Variants in CPSF3 observed in about 807,000 individuals in gnomAD.
The protein encoded by CPSF3 is cleavage and polyadenylation specific factor 3.
CPSF3 carries 57 observed loss-of-function variants against 84.1 expected under a neutral mutation model. The ratio of observed to expected loss-of-function variants is 0.68; its 90% confidence interval spans 0.55 to 0.85. The LOEUF (loss-of-function observed/expected upper bound fraction) is 0.85. Among genes scored for constraint, CPSF3 ranks in the 40% least tolerant of loss-of-function variants. The pLI is 0.00. For synonymous variants in CPSF3, 275 were observed against 278.1 expected, an observed-to-expected ratio of 0.99 and a Z score of 0.11; for missense variants, 522 against 838.8, an observed-to-expected ratio of 0.62 and a Z score of 4.66.
intron 9 of CPSF3, among the ~76,000 whole-genome samples, chr2:9,442,498 A>G (rs1470811970): frequency 1.3e-5 from 2 of 152,262 alleles, no homozygotes; most frequent in East Asian, 3.9e-4. Context: ...TGATTCTTTG[A>G]TAATCTTTAT....
At chr2:9,427,888 A>G (rs1333647607) in intron 1 of CPSF3, among the ~76,000 whole-genome samples, 1 of 152,240 alleles carries the variant, frequency 6.6e-6, no homozygotes, top group African/African-American at 2.4e-5. Context: ...ATTATTAAGA[A>G]GAAACAAAAA....
In CPSF3 at chr2:9,455,724, A is replaced by C; in HGVS notation, c.1570A>C (p.Asn524His). 6.2e-7 allele frequency: 1 copy of C among 1,613,882 alleles called. No individual in the cohort carries two copies. The highest frequency in any genetic ancestry group is 8.5e-7 in the Non-Finnish European group (1 of 1,179,886). ...AGCCATTCCATATACTGGTCCCTTT[A>C]ATTTGCTCTGTTACCAGCTGCAGAA... ...TQAIPYTGPF[N>H]LLCYQLQKLT... is the part of the protein sequence containing the mutation. Residue 524 changes from asparagine (N) to histidine (H), a missense_variant, in exon 13 of 18, where the codon AAT (asparagine) becomes CAT (histidine). Coordinates refer to ENST00000238112, the MANE Select transcript of CPSF3 (RefSeq NM_016207.4).
rs546919273 is a variant in CPSF3 at position 9,442,034 on chromosome 2, G to A, written c.1095+58G>A. ...CTATTCAGAATCACGGAGGTGGCAC[G>A]GTCCTCACAGGTTTTTGCACTGAAG... On this transcript the variant is annotated intron_variant, in intron 9 of 17. Coordinates refer to ENST00000238112, the MANE Select transcript of CPSF3 (RefSeq NM_016207.4). 31 of 1,553,406 alleles carry A rather than the reference G, an allele frequency of 2.0e-5. No homozygotes were observed. The African/African-American group carries it at 3.0e-4, about 15-fold the overall frequency.
chr2:9,440,783 A>G, intron 8 of CPSF3, 117 bp downstream of exon 8: 1 of 961,878 alleles, frequency 1.0e-6, no homozygotes, highest in Non-Finnish European at 1.6e-6. Flanking sequence ...TGGGAGTCTA[A>G]GGCAGGAGGA....
Position 9,470,643 on chromosome 2 carries a change from C to T in CPSF3, c.1857-700C>T, listed in dbSNP as rs1327407348. On this transcript the variant is annotated intron_variant, in intron 16 of 17. Coordinates refer to ENST00000238112, the MANE Select transcript of CPSF3 (RefSeq NM_016207.4). ...GTTTAATTAAAGTAGGAGTGCACAG[C>T]TAGTGGGCTTGGGAGCCATTTAAAC... 3.3e-5 allele frequency among the ~76,000 whole-genome samples: 5 copies of T among 152,224 alleles called. No individual in the cohort carries two copies. In the East Asian group the frequency reaches 7.7e-4, roughly 23 times the overall value.
At chr2:9,432,189 G>C (rs1300566578) in intron 4 of CPSF3, among the ~76,000 whole-genome samples, 2 of 152,134 alleles carry the variant, frequency 1.3e-5, no homozygotes, top group East Asian at 3.9e-4. Context: ...GGAGTGTTGG[G>C]GTGGGAAAAA....
At chr2:9,440,968 A>G (rs911747365) in intron 8 of CPSF3, among the ~76,000 whole-genome samples, 1 of 152,248 alleles carries the variant, frequency 6.6e-6, no homozygotes, top group Non-Finnish European at 1.5e-5. Flanking sequence ...TCAAAACTTC[A>G]GCAGCTGACA....
At chr2:9,448,445 G>T in intron 11 of CPSF3, 95 bp downstream of exon 11, 1 of 1,043,540 alleles carries the variant, frequency 9.6e-7, no homozygotes, top group Non-Finnish European at 1.4e-6. Context: ...AAAAGAATAT[G>T]CTTATTTCTG....
At chr2:9,451,947 A>G (rs1248978049) in intron 11 of CPSF3, among the ~76,000 whole-genome samples, 1 of 151,976 alleles carries the variant, frequency 6.6e-6, no homozygotes, top group African/African-American at 2.4e-5. Context: ...CAATCTCGTG[A>G]CCTCATGATC....
intron 10 of CPSF3, among the ~76,000 whole-genome samples, chr2:9,444,155 TA>T (rs1360148362): frequency 0.017 from 2,399 of 140,562 alleles, 82 homozygotes; most frequent in African/African-American, 0.061. Context: ...TATATATATA[TA>T]TATTTTTTTT....
intron 2 of CPSF3, among the ~76,000 whole-genome samples, chr2:9,429,452 G>A (rs527986471): frequency 3.3e-5 from 5 of 152,282 alleles, no homozygotes; most frequent in South Asian, 2.1e-4. Context: ...TGGTAGTAAC[G>A]CCATAAAAAT....
intron 15 of CPSF3, among the ~76,000 whole-genome samples, chr2:9,460,680 T>C (rs1572802466): frequency 7.1e-6 from 1 of 140,504 alleles, no homozygotes; most frequent in African/African-American, 2.7e-5. Context: ...TCTTTCTTTC[T>C]TTTTTTTTTT....
Position 9,423,656 on chromosome 2 carries a change from A to G in CPSF3, c.-118A>G. 3 of 1,338,336 alleles carry G rather than the reference A, an allele frequency of 2.2e-6. No homozygotes were observed. Among genetic ancestry groups the G allele is most frequent in the South Asian group, 1.4e-5 (1 of 70,800 alleles). The allele number at this position is 1,338,336 out of a possible 1,614,324, so 82.9% of individuals were successfully genotyped here. A position where few individuals can be genotyped will look rare whatever the true frequency, so the allele number is the denominator to read the frequency against. On this transcript the variant is annotated 5_prime_UTR_variant, in exon 1 of 18. Transcript: ENST00000238112. ...AGTGCCGCGGGCTCCGGAGTGACGG[A>G]AGTTGTGCTCTTGGTGAATGGGGTT...
chr2:9,471,082 T>C (rs1682145178), intron 16 of CPSF3, among the ~76,000 whole-genome samples: 3 of 152,050 alleles, frequency 2.0e-5, no homozygotes, highest in African/African-American at 7.2e-5. Flanking sequence ...GCTGTGGTGG[T>C]GCACACCTGT....
chr2:9,458,793 G>A (rs998400280), intron 14 of CPSF3, among the ~76,000 whole-genome samples: 2 of 152,028 alleles, frequency 1.3e-5, no homozygotes, highest in African/African-American at 4.8e-5. Flanking sequence ...GGCTTAGTGT[G>A]AGAAGCAAAA....
At chr2:9,460,670 T>C (rs1038408879) in intron 15 of CPSF3, among the ~76,000 whole-genome samples, 1 of 151,676 alleles carries the variant, frequency 6.6e-6, no homozygotes, top group African/African-American at 2.4e-5. Context: ...TTTTTTTCTT[T>C]CTTTCTTTCT....
At chr2:9,428,614 T>A in intron 1 of CPSF3, 151 bp from the exon 2 acceptor site, 1 of 608,630 alleles carries the variant, frequency 1.6e-6, no homozygotes, top group Non-Finnish European at 3.0e-6. Context: ...CCTGTCTTTG[T>A]GATTTTGTAG....
chr2:9,424,405 C>T (rs11691132), intron 1 of CPSF3: 51,064 of 300,648 alleles, frequency 0.17, 4,799 homozygotes, highest in Middle Eastern at 0.24. Flanking sequence ...AAAAACTCAG[C>T]CCTCGACTGT....
intron 17 of CPSF3, among the ~76,000 whole-genome samples, chr2:9,472,043 G>A (rs1270830725): frequency 6.7e-6 from 1 of 149,634 alleles, no homozygotes; most frequent in African/African-American, 2.5e-5. Context: ...GCCAGGCGTG[G>A]TGGTTCACGC....
Sources: allele counts gnomAD v4.1 joint callset (sites outside exome capture counted in the v4.1 genomes callset), GRCh38; gene constraint gnomAD v4.1.1; transcripts MANE v1.5; gene names NCBI Gene and HGNC (gene_info 2026-07-23, HGNC 2026-07-21).